PTPRD: variants seen among roughly 807,000 people sequenced by gnomAD.
The protein encoded by PTPRD is protein tyrosine phosphatase receptor type D.
Under a neutral mutation model 214.5 loss-of-function variants are expected in PTPRD, and 34 were observed. The observed-to-expected ratio is 0.16, with a 90% CI of 0.12 to 0.21. The LOEUF is 0.21. Ranked by LOEUF, PTPRD falls within the 10% of genes least tolerant of loss-of-function variation. The pLI is 1.00. For synonymous variants in PTPRD, 1,128 were observed against 845.7 expected (o/e 1.33, Z -5.79); for missense variants, 2,545 against 2,398.7 (o/e 1.06, Z -1.27).
At chr9:10,157,094 CTG>C (rs1437110932) in intron 3 of PTPRD, among the ~76,000 whole-genome samples, 5 of 152,178 alleles carry the variant, frequency 3.3e-5, no homozygotes, top group African/African-American at 1.2e-4. Flanking sequence ...GTTTGTCACT[CTG>C]TGCCTTTTGA....
chr9:9,487,875 A>C (rs2095718182), intron 8 of PTPRD, among the ~76,000 whole-genome samples: 1 of 152,184 alleles, frequency 6.6e-6, no homozygotes, highest in African/African-American at 2.4e-5. Context: ...GATACACAGA[A>C]TCTGACAGAA....
At chr9:9,057,563 T>C (rs1272452281) in intron 10 of PTPRD, among the ~76,000 whole-genome samples, 1 of 152,154 alleles carries the variant, frequency 6.6e-6, no homozygotes, top group Admixed American at 6.6e-5. Context: ...TTTTGTTAAA[T>C]GATGAATGAA....
intron 21 of PTPRD, among the ~76,000 whole-genome samples, chr9:8,510,462 G>A (rs1470661454): frequency 1.3e-5 from 2 of 152,188 alleles, no homozygotes; most frequent in East Asian, 3.9e-4. Context: ...GTGACAGCAG[G>A]TTGCTGCCTT....
chr9:9,950,732 AAAAAAAAAAAAAAAAAAAAAAAAAAAAAG>A lies in PTPRD; in HGVS notation c.-471-12151_-471-12123del, dbSNP rs1309857241. Among the ~76,000 whole-genome samples the A allele has an allele frequency of 6.2e-5, 2 of 32,178 alleles. 1 individual carries two copies. The highest frequency in any genetic ancestry group is 8.5e-5 in the Non-Finnish European group (2 of 23,416). 21.1% of individuals were successfully genotyped at this position (32,178 alleles called of 152,430 possible). A position where few individuals can be genotyped will look rare whatever the true frequency, so the allele number is the denominator to read the frequency against. On this transcript the variant is annotated intron_variant, in intron 4 of 45. Coordinates refer to ENST00000381196, the MANE Select transcript of PTPRD (RefSeq NM_002839.4). Reference sequence around the variant, plus strand: ...AGCGAGACTCCGTCTCAAAAAAAAAAAAAAAAAAAAAAAAAAAAAAAAAAAAAAGAAGAAAGTGGAAGATCAAACTATCT... The same window carrying A: ...AGCGAGACTCCGTCTCAAAAAAAAAAAAGAAAGTGGAAGATCAAACTATCT...
At chr9:9,826,190 T>C (rs1046694104) in intron 5 of PTPRD, among the ~76,000 whole-genome samples, 2 of 151,838 alleles carry the variant, frequency 1.3e-5, no homozygotes, top group African/African-American at 4.8e-5. Flanking sequence ...TTCTAAAATA[T>C]GACTTCCTTT....
At chr9:8,840,752 CTTAA>C (rs2097542297) in intron 11 of PTPRD, among the ~76,000 whole-genome samples, 1 of 150,410 alleles carries the variant, frequency 6.6e-6, no homozygotes, top group Non-Finnish European at 1.5e-5. Flanking sequence ...CATGCCCATT[CTTAA>C]TTTTTTTTTT....
intron 3 of PTPRD, among the ~76,000 whole-genome samples, chr9:10,111,575 T>C (rs2098692696): frequency 6.6e-6 from 1 of 152,202 alleles, no homozygotes; most frequent in Admixed American, 6.5e-5. Context: ...GGTTCAGTTG[T>C]ATTATTATAA....
rs575128994 is a variant in PTPRD at position 9,023,849 on chromosome 9, C to T, written c.-142-5114G>A. 6.4e-4 allele frequency among the ~76,000 whole-genome samples: 98 copies of T among 152,114 alleles called. 1 individual carries two copies. The highest frequency in any genetic ancestry group is 5.0e-3 in the Admixed American group (76 of 15,242). The stretch of plus-strand genomic sequence containing the variant: ...GCAAAGGACATGATTATTTTACTTG[C>T]TTTTTTAATCTTACAATTTACTTTC... On this transcript the variant is annotated intron_variant, in intron 10 of 45. Coordinates refer to ENST00000381196, the MANE Select transcript of PTPRD (RefSeq NM_002839.4).
chr9:8,340,290 TTC>T, intron 42 of PTPRD, 51 bp downstream of exon 42: 1 of 1,507,056 alleles, frequency 6.6e-7, no homozygotes, highest in African/African-American at 1.4e-5. Context: ...AAGTCTTCAT[TTC>T]TCCACAGAGT....
At position 8,317,746 on chromosome 9, in the gene PTPRD, T is replaced by A; in HGVS notation, c.*128A>T. 1.4e-6 allele frequency: 1 copy of A among 737,196 alleles called. No individual in the cohort carries two copies. Among genetic ancestry groups the A allele is most frequent in the East Asian group, 2.5e-5 (1 of 40,034 alleles). The allele number at this position is 737,196 out of a possible 1,614,324, so 45.7% of individuals were successfully genotyped here. On this transcript the variant is annotated 3_prime_UTR_variant, in exon 46 of 46. Transcript: ENST00000381196. ...ATTTGTTTTTAATTTGTTTTGTGTGTAATAGTCCCACTAAGTAGTTGTTAG... is the reference window on the plus strand; with the variant it reads ...ATTTGTTTTTAATTTGTTTTGTGTGAAATAGTCCCACTAAGTAGTTGTTAG...
intron 23 of PTPRD, among the ~76,000 whole-genome samples, chr9:8,503,321 T>G (rs564171715): frequency 6.6e-6 from 1 of 152,192 alleles, no homozygotes; most frequent in African/African-American, 2.4e-5. Context: ...CTTGACAAAA[T>G]TCAATGTATT....
chr9:9,505,466 T>C (rs1267762284), intron 8 of PTPRD, among the ~76,000 whole-genome samples: 1 of 151,548 alleles, frequency 6.6e-6, no homozygotes, highest in African/African-American at 2.4e-5. Flanking sequence ...CTGACTGAAT[T>C]CTGAACCCTG....
intron 3 of PTPRD, among the ~76,000 whole-genome samples, chr9:10,253,773 A>G (rs1227677528): frequency 6.6e-6 from 1 of 152,172 alleles, no homozygotes; most frequent in Non-Finnish European, 1.5e-5. Context: ...AGCTATATGT[A>G]TATTGCAATA....
intron 30 of PTPRD, among the ~76,000 whole-genome samples, chr9:8,478,699 G>C (rs767749292): frequency 3.3e-5 from 5 of 152,168 alleles, no homozygotes; most frequent in Admixed American, 1.3e-4. Flanking sequence ...CCTGATACCA[G>C]AACTTGCAGT....
chr9:9,766,143 C>T (rs901772992), intron 6 of PTPRD, among the ~76,000 whole-genome samples: 4 of 152,140 alleles, frequency 2.6e-5, no homozygotes, highest in East Asian at 1.9e-4. Context: ...CTCTATGTAA[C>T]GTTTATTCAT....
At position 10,168,210 on chromosome 9, in the gene PTPRD, T is replaced by A. The variant is rs916917686; in HGVS notation, c.-544-134420A>T. ...ATAAATCAAACATCTTACATAATAA[T>A]GTAATAAAATCTAGTTTAACATTAT... On this transcript the variant is annotated intron_variant, in intron 3 of 45. Transcript: ENST00000381196. Among the ~76,000 whole-genome samples, 18 of 152,330 alleles carry A rather than the reference T, an allele frequency of 1.2e-4. 1 individual carries two copies. The South Asian group carries it at 2.5e-3, about 21-fold the overall frequency.
chr9:9,559,314 G>A (rs576350065), intron 8 of PTPRD, among the ~76,000 whole-genome samples: 15 of 152,126 alleles, frequency 9.9e-5, no homozygotes, highest in African/African-American at 3.6e-4. Flanking sequence ...GGTTACCCAT[G>A]AACACACCCA....
intron 2 of PTPRD, among the ~76,000 whole-genome samples, chr9:10,443,773 G>A (rs1316314760): frequency 6.6e-6 from 1 of 150,958 alleles, no homozygotes; most frequent in African/African-American, 2.4e-5. Context: ...TAAAGTGCCT[G>A]GCTTCAGAAG....
chr9:9,473,482 A>C (rs1390689320), intron 8 of PTPRD, among the ~76,000 whole-genome samples: 1 of 152,142 alleles, frequency 6.6e-6, no homozygotes, highest in East Asian at 1.9e-4. Flanking sequence ...CTTTGGAAAA[A>C]TACCCAGGAG....
Sources: gnomAD v4.1 joint callset for allele counts (sites outside exome capture counted in the v4.1 genomes callset) on GRCh38, gnomAD v4.1.1 for gene constraint, MANE v1.5 for transcripts, NCBI Gene and HGNC (gene_info 2026-07-23, HGNC 2026-07-21) for gene names.